The following FAM81A variants were observed in gnomAD, a reference collection of about 807,000 sequenced individuals.
FAM81A encodes the protein family with sequence similarity 81 member A.
A neutral mutation model predicts 46.7 loss-of-function variants in FAM81A; 19 were observed. That is an observed-to-expected ratio of 0.41 (90% CI 0.28 to 0.60). The LOEUF (loss-of-function observed/expected upper bound fraction) is 0.60. Among genes scored for constraint, FAM81A ranks in the 20% least tolerant of loss-of-function variants. The pLI, the probability that FAM81A is intolerant of heterozygous loss-of-function variation, is 0.34. For synonymous variants in FAM81A, 183 were observed against 152.9 expected, an observed-to-expected ratio of 1.20 and a Z score of -1.45; for missense variants, 377 against 453.5, an observed-to-expected ratio of 0.83 and a Z score of 1.53.
chr15:59,503,366 A>T (rs1041672811), intron 4 of FAM81A, among the ~76,000 whole-genome samples: 5 of 85,346 alleles, frequency 5.9e-5, no homozygotes, highest in Admixed American at 2.1e-4. Flanking sequence ...ATAATAGTTT[A>T]TTATATACAA....
chr15:59,521,944 C>G lies in FAM81A; in HGVS notation c.*566C>G, dbSNP rs769151746. On this transcript the variant is annotated 3_prime_UTR_variant, in exon 9 of 9. Coordinates refer to ENST00000288228, the MANE Select transcript of FAM81A (RefSeq NM_152450.3). The stretch of plus-strand genomic sequence containing the variant: ...GAAAGGATTTAACATTTAGAATAAA[C>G]CCCACCATTTATGTAATGGAAATAG... 1.3e-5 allele frequency: 2 copies of G among 152,254 alleles called. No homozygotes were observed. Among genetic ancestry groups the G allele is most frequent in the Non-Finnish European group, 2.9e-5 (2 of 68,018 alleles). The allele number at this position is 152,254 out of a possible 1,614,324, so 9.4% of individuals were successfully genotyped here.
chr15:59,472,420 A>G (rs1319292619), intron 3 of FAM81A, among the ~76,000 whole-genome samples: 1 of 152,128 alleles, frequency 6.6e-6, no homozygotes, highest in Non-Finnish European at 1.5e-5. Context: ...TGGCCATAGT[A>G]CCTTCCTTGC....
At chr15:59,407,026 A>G in intron 2 of FAM81A, 1 of 166,458 alleles carries the variant, frequency 6.0e-6, no homozygotes, top group South Asian at 1.5e-4. Flanking sequence ...AGAGCCACAG[A>G]CTTGGGAGCC....
intron 2 of FAM81A, among the ~76,000 whole-genome samples, chr15:59,414,349 GAACTGAC>G (rs1203432942): frequency 2.0e-5 from 3 of 152,150 alleles, no homozygotes; most frequent in African/African-American, 4.8e-5. Context: ...TCCATGAAAT[GAACTGAC>G]AACAGGCAGA....
At chr15:59,434,833 C>T (rs1244213510), upstream of FAM81A, among the ~76,000 whole-genome samples, 1 of 152,060 alleles carries the variant, frequency 6.6e-6, no homozygotes, top group African/African-American at 2.4e-5. Flanking sequence ...TGCTTTCCAG[C>T]CTTCTTATAA....
At chr15:59,449,617 TA>T (rs752404700) in intron 1 of FAM81A, among the ~76,000 whole-genome samples, 21 of 151,812 alleles carry the variant, frequency 1.4e-4, no homozygotes, top group Non-Finnish European at 2.2e-4. Context: ...CCGTCTCTAC[TA>T]AAAAACACAA....
intron 6 of FAM81A, 137 bp downstream of exon 6, chr15:59,509,106 T>C (rs1330658993): frequency 3.1e-6 from 2 of 637,174 alleles, no homozygotes; most frequent in Admixed American, 3.1e-5. Context: ...AAAAGTTTCC[T>C]TGTATCATGT....
chr15:59,463,798 T>A (rs1389085368), intron 3 of FAM81A, among the ~76,000 whole-genome samples: 1 of 152,174 alleles, frequency 6.6e-6, no homozygotes, highest in Non-Finnish European at 1.5e-5. Flanking sequence ...TTGGTTTTAT[T>A]AATTTTGTCA....
exon 2 of FAM81A, chr15:59,402,320 C>A: frequency 6.4e-6 from 1 of 156,092 alleles, no homozygotes; most frequent in Non-Finnish European, 1.4e-5. Context: ...ATCTGAAGGT[C>A]CAGGACCTTA....
chr15:59,481,853 G>A (rs2081855884), intron 3 of FAM81A, among the ~76,000 whole-genome samples: 1 of 151,344 alleles, frequency 6.6e-6, no homozygotes, highest in African/African-American at 2.4e-5. Flanking sequence ...CTATTTTTTA[G>A]GCAAGCAGAA....
At chr15:59,409,829 C>T (rs2081112760) in intron 2 of FAM81A, among the ~76,000 whole-genome samples, 1 of 152,146 alleles carries the variant, frequency 6.6e-6, no homozygotes, top group South Asian at 2.1e-4. Context: ...AAAAATTTAG[C>T]ATTTTGTTAT....
At chr15:59,468,716 A>G (rs970387814) in intron 3 of FAM81A, among the ~76,000 whole-genome samples, 13 of 148,030 alleles carry the variant, frequency 8.8e-5, no homozygotes, top group Admixed American at 8.8e-4. Flanking sequence ...TGTCTCTTTC[A>G]GTTCTGCTTT....
In FAM81A at chr15:59,497,128, AAAG is replaced by A. The variant is rs367828817; in HGVS notation, c.413+4763_413+4765del. On this transcript the variant is annotated intron_variant, in intron 4 of 8. Transcript: ENST00000288228. ...AGCAAAACTTTGTCTCAAATTTAAA[AAAG>A]AAGAAGAAGAAGAAGAAGAAGAAAT... Among the ~76,000 whole-genome samples the A allele has an allele frequency of 7.5e-3, 1,125 of 149,202 alleles. 18 individuals are homozygous for A. Among genetic ancestry groups the A allele is most frequent in the African/African-American group, 0.026 (1,039 of 40,320 alleles).
At chr15:59,485,070 G>A (rs2081901029) in intron 3 of FAM81A, among the ~76,000 whole-genome samples, 2 of 152,160 alleles carry the variant, frequency 1.3e-5, no homozygotes, top group African/African-American at 4.8e-5. Context: ...GGACTTTGGT[G>A]GTTTCGGCAC....
intron 2 of FAM81A, among the ~76,000 whole-genome samples, chr15:59,404,885 T>C (rs1300403732): frequency 6.6e-6 from 1 of 152,234 alleles, no homozygotes; most frequent in African/African-American, 2.4e-5. Flanking sequence ...GTAAAGCTAG[T>C]AGGTCTGGGC....
At chr15:59,463,240 A>G (rs1237138624) in intron 3 of FAM81A, among the ~76,000 whole-genome samples, 1 of 152,126 alleles carries the variant, frequency 6.6e-6, no homozygotes, top group African/African-American at 2.4e-5. Flanking sequence ...CTATCTTAGG[A>G]AAATCTATCC....
chr15:59,436,008 G>A (rs2081241370), upstream of FAM81A, among the ~76,000 whole-genome samples: 1 of 152,178 alleles, frequency 6.6e-6, no homozygotes, highest in Admixed American at 6.5e-5. Flanking sequence ...AGATAAATAA[G>A]AAGTGGGAAG....
intron 2 of FAM81A, among the ~76,000 whole-genome samples, chr15:59,431,311 T>C (rs1190434211): frequency 6.6e-6 from 1 of 152,154 alleles, no homozygotes; most frequent in Non-Finnish European, 1.5e-5. Context: ...CTCAGTTCAC[T>C]GCAACCTCTG....
intron 2 of FAM81A, among the ~76,000 whole-genome samples, chr15:59,421,725 GTCTGTCTATCTATCTATCTGTCTA>G (rs1338480354): frequency 2.9e-5 from 4 of 137,312 alleles, no homozygotes; most frequent in African/African-American, 1.2e-4. Context: ...CTGTCTGTCT[GTCTGTCTATCTATCTATCTGTCTA>G]TCTATCTATC....
Sources: gnomAD v4.1 joint callset for allele counts (sites outside exome capture counted in the v4.1 genomes callset) on GRCh38, gnomAD v4.1.1 for gene constraint, MANE v1.5 for transcripts, NCBI Gene and HGNC (gene_info 2026-07-23, HGNC 2026-07-21) for gene names.